Variants in TAFA4 observed in about 807,000 individuals in gnomAD.
The protein encoded by TAFA4 is TAFA chemokine like family member 4.
A neutral mutation model predicts 21.1 loss-of-function variants in TAFA4; 20 were observed. That is an observed-to-expected ratio of 0.95 (90% CI 0.67 to 1.38). The LOEUF is 1.38. TAFA4 is among the 40% of genes most tolerant of loss of function. The probability of loss-of-function intolerance (pLI) is 0.00; values close to 1 mark genes in which losing one functional copy is unlikely to be tolerated. For synonymous variants in TAFA4, 71 were observed against 67.4 expected (o/e 1.05, Z -0.26); for missense variants, 211 against 180.9 (o/e 1.17, Z -0.95).
intron 3 of TAFA4, among the ~76,000 whole-genome samples, chr3:68,846,929 C>G (rs35688364): frequency 0.33 from 49,684 of 149,110 alleles, 8,439 homozygotes; most frequent in Non-Finnish European, 0.37. Flanking sequence ...ATGCCAGCCG[C>G]TCTCCTGCAT....
intron 3 of TAFA4, among the ~76,000 whole-genome samples, chr3:68,815,988 A>G (rs1238698565): frequency 6.6e-6 from 1 of 152,248 alleles, no homozygotes; most frequent in Non-Finnish European, 1.5e-5. Context: ...TGCAGCCATA[A>G]AAAAGGATGC....
At chr3:68,746,006 T>TAATC (rs753109374) in intron 4 of TAFA4, among the ~76,000 whole-genome samples, 3 of 152,146 alleles carry the variant, frequency 2.0e-5, no homozygotes, top group Non-Finnish European at 4.4e-5. Flanking sequence ...GGGCACTATC[T>TAATC]AATCACCTGC....
At chr3:68,806,672 G>A (rs1378245302) in intron 3 of TAFA4, among the ~76,000 whole-genome samples, 1 of 152,032 alleles carries the variant, frequency 6.6e-6, no homozygotes, top group Non-Finnish European at 1.5e-5. Context: ...AGGACTTCTG[G>A]GAGGTAATTA....
intron 3 of TAFA4, among the ~76,000 whole-genome samples, chr3:68,765,713 C>T (rs1702840836): frequency 6.6e-6 from 1 of 152,194 alleles, no homozygotes; most frequent in Admixed American, 6.6e-5. Context: ...AAGATCTGAA[C>T]TCAGAAGAGC....
At chr3:68,783,085 T>A (rs1703180640) in intron 3 of TAFA4, among the ~76,000 whole-genome samples, 1 of 152,198 alleles carries the variant, frequency 6.6e-6, no homozygotes, top group African/African-American at 2.4e-5. Context: ...CATCCATTCA[T>A]AAGAAATAAA....
intron 3 of TAFA4, among the ~76,000 whole-genome samples, chr3:68,875,780 C>T (rs7615319): frequency 6.6e-6 from 1 of 152,006 alleles, no homozygotes; most frequent in African/African-American, 2.4e-5. Flanking sequence ...ACTTCCCTCT[C>T]CCTAAAAATA....
At chr3:68,777,111 T>C (rs1217963432) in intron 3 of TAFA4, among the ~76,000 whole-genome samples, 1 of 149,220 alleles carries the variant, frequency 6.7e-6, no homozygotes, top group East Asian at 2.0e-4. Flanking sequence ...TATAACGAAA[T>C]AATGAGTGCT....
intron 3 of TAFA4, among the ~76,000 whole-genome samples, chr3:68,830,772 A>G (rs1424127581): frequency 5.3e-5 from 8 of 152,264 alleles, no homozygotes; most frequent in African/African-American, 7.2e-5. Context: ...TGATCTGTCT[A>G]ATATTGACAG....
At chr3:68,778,478 C>G (rs1053207631) in intron 3 of TAFA4, among the ~76,000 whole-genome samples, 1 of 152,194 alleles carries the variant, frequency 6.6e-6, no homozygotes, top group Non-Finnish European at 1.5e-5. Context: ...TGGCTGTGCC[C>G]TCACCCAAAT....
intron 3 of TAFA4, among the ~76,000 whole-genome samples, chr3:68,764,298 A>C (rs1036114446): frequency 1.3e-5 from 2 of 152,178 alleles, no homozygotes; most frequent in African/African-American, 2.4e-5. Flanking sequence ...AGCTAGGAAG[A>C]GAGCCCCCAC....
chr3:68,781,950 T>C (rs1428926789), intron 3 of TAFA4, among the ~76,000 whole-genome samples: 1 of 152,166 alleles, frequency 6.6e-6, no homozygotes, highest in East Asian at 1.9e-4. Flanking sequence ...TAGCAATGAA[T>C]TCTTAGATGT....
intron 1 of TAFA4, among the ~76,000 whole-genome samples, chr3:68,892,578 CAAAG>C (rs924586400): frequency 4.6e-5 from 7 of 152,080 alleles, no homozygotes; most frequent in Non-Finnish European, 8.8e-5. Context: ...TAAATATGTA[CAAAG>C]AAAGAAATAA....
chr3:68,912,419 C>G (rs2089968359), intron 1 of TAFA4, among the ~76,000 whole-genome samples: 1 of 152,212 alleles, frequency 6.6e-6, no homozygotes, highest in Non-Finnish European at 1.5e-5. Flanking sequence ...CTACTGGCCG[C>G]TAATTAAATG....
chr3:68,866,111 A>C (rs919976315), intron 3 of TAFA4, among the ~76,000 whole-genome samples: 1 of 152,124 alleles, frequency 6.6e-6, no homozygotes, highest in African/African-American at 2.4e-5. Context: ...AGAAACAAAT[A>C]GAGGATGTAA....
At chr3:68,848,375 A>T (rs960343854) in intron 3 of TAFA4, among the ~76,000 whole-genome samples, 5 of 152,256 alleles carry the variant, frequency 3.3e-5, no homozygotes, top group Admixed American at 1.3e-4. Context: ...GCTATGTATC[A>T]ACGAATAAAA....
At chr3:68,835,366 T>G (rs1372906708) in intron 3 of TAFA4, among the ~76,000 whole-genome samples, 2 of 152,206 alleles carry the variant, frequency 1.3e-5, no homozygotes, top group Admixed American at 1.3e-4. Context: ...GGGCAAAATG[T>G]TTCCGCAGAA....
intron 5 of TAFA4, among the ~76,000 whole-genome samples, chr3:68,737,321 C>T (rs555484661): frequency 1.3e-5 from 2 of 152,096 alleles, no homozygotes; most frequent in African/African-American, 2.4e-5. Context: ...TTAGCAAGCA[C>T]GCTGAGTCTA....
At chr3:68,819,395 T>C (rs537153162) in intron 3 of TAFA4, among the ~76,000 whole-genome samples, 100 of 152,254 alleles carry the variant, frequency 6.6e-4, no homozygotes, top group African/African-American at 2.3e-3. Context: ...TCCAGTATTA[T>C]GTTGAGTGAA....
intron 5 of TAFA4, 146 bp downstream of exon 5, chr3:68,738,929 C>A: frequency 8.7e-7 from 1 of 1,151,394 alleles, no homozygotes; most frequent in Non-Finnish European, 1.2e-6. Flanking sequence ...ATGCGCTTTT[C>A]AAAAAGGCCA....
Sources: gnomAD v4.1 joint callset for allele counts (sites outside exome capture counted in the v4.1 genomes callset) on GRCh38, gnomAD v4.1.1 for gene constraint, MANE v1.5 for transcripts, NCBI Gene and HGNC (gene_info 2026-07-23, HGNC 2026-07-21) for gene names.